CERS6: variants seen among roughly 807,000 people sequenced by gnomAD.
The protein encoded by CERS6 is ceramide synthase 6.
A neutral mutation model predicts 56.8 loss-of-function variants in CERS6; 26 were observed. The observed-to-expected ratio is 0.46, with a 90% confidence interval of 0.34 to 0.63. The LOEUF is 0.63. Ranked by LOEUF, CERS6 falls within the 30% of genes least tolerant of loss-of-function variation. CERS6 has a pLI of 0.01. For synonymous variants in CERS6, 164 were observed against 173.3 expected, an observed-to-expected ratio of 0.95 and a Z score of 0.42; for missense variants, 415 against 467.5, an observed-to-expected ratio of 0.89 and a Z score of 1.04.
intron 4 of CERS6, among the ~76,000 whole-genome samples, chr2:168,668,015 G>A (rs1269432503): frequency 6.6e-6 from 1 of 152,200 alleles, no homozygotes; most frequent in Non-Finnish European, 1.5e-5. Context: ...GAAAAAGTAG[G>A]TGGAGGGCAG....
chr2:168,463,149 T>C (rs1242819262), intron 1 of CERS6, among the ~76,000 whole-genome samples: 1 of 152,220 alleles, frequency 6.6e-6, no homozygotes. Flanking sequence ...GAAATACACT[T>C]AACTTTATAT....
chr2:168,532,340 A>T (rs969551199), intron 1 of CERS6, among the ~76,000 whole-genome samples: 1 of 152,064 alleles, frequency 6.6e-6, no homozygotes, highest in African/African-American at 2.4e-5. Context: ...CCCAGGAAGA[A>T]GCAATTTCTT....
chr2:168,509,694 G>A (rs1374378887), intron 1 of CERS6, among the ~76,000 whole-genome samples: 1 of 152,230 alleles, frequency 6.6e-6, no homozygotes, highest in South Asian at 2.1e-4. Flanking sequence ...TGTTTGTAGA[G>A]TATTTGGTAT....
chr2:168,645,183 A>AGAGAGAGAGAGAGAGAGAGAGT (rs1685165620), intron 4 of CERS6, among the ~76,000 whole-genome samples: 1 of 115,366 alleles, frequency 8.7e-6, no homozygotes, highest in Non-Finnish European at 1.7e-5. Flanking sequence ...AGAGAGAGAG[A>AGAGAGAGAGAGAGAGAGAGAGT]GAGAGAGTAA....
At chr2:168,600,983 C>T (rs1252229839) in intron 3 of CERS6, among the ~76,000 whole-genome samples, 1 of 152,022 alleles carries the variant, frequency 6.6e-6, no homozygotes, top group Admixed American at 6.5e-5. Flanking sequence ...CCTAACAGAC[C>T]TCATGGGTTG....
intron 1 of CERS6, among the ~76,000 whole-genome samples, chr2:168,523,023 T>G (rs1695009244): frequency 6.6e-6 from 1 of 152,250 alleles, no homozygotes; most frequent in Non-Finnish European, 1.5e-5. Flanking sequence ...TTAGTAATGC[T>G]TTTGGCTGAA....
intron 4 of CERS6, among the ~76,000 whole-genome samples, chr2:168,669,104 G>GT (rs1409053039): frequency 6.6e-6 from 1 of 152,146 alleles, no homozygotes; most frequent in Non-Finnish European, 1.5e-5. Context: ...TATTTCTCAT[G>GT]TTAAAGAAGT....
At chr2:168,640,247 A>C (rs1167028115) in intron 4 of CERS6, among the ~76,000 whole-genome samples, 1 of 152,214 alleles carries the variant, frequency 6.6e-6, no homozygotes, top group East Asian at 1.9e-4. Context: ...CGTGTACTTT[A>C]CCTTAACAAC....
intron 3 of CERS6, among the ~76,000 whole-genome samples, chr2:168,596,468 A>G (rs1462706794): frequency 6.6e-6 from 1 of 151,946 alleles, no homozygotes; most frequent in Non-Finnish European, 1.5e-5. Context: ...AAAATGTGAG[A>G]TTAAAAGAAA....
intron 8 of CERS6, among the ~76,000 whole-genome samples, chr2:168,724,848 C>T (rs1683297907): frequency 6.6e-6 from 1 of 152,246 alleles, no homozygotes; most frequent in African/African-American, 2.4e-5. Context: ...AGTGGATCCC[C>T]CACCGGGGCT....
At chr2:168,637,676 CAA>C (rs1346637279) in intron 4 of CERS6, among the ~76,000 whole-genome samples, 1 of 151,964 alleles carries the variant, frequency 6.6e-6, no homozygotes, top group Non-Finnish European at 1.5e-5. Context: ...ATTAAATTAT[CAA>C]AGTGACAAAA....
intron 3 of CERS6, among the ~76,000 whole-genome samples, chr2:168,564,231 G>A (rs187467994): frequency 2.6e-5 from 4 of 152,192 alleles, no homozygotes; most frequent in East Asian, 3.9e-4. Context: ...ATCGTTCTGC[G>A]GGCTCCAACT....
At chr2:168,729,635 C>T (rs1683461380) in intron 8 of CERS6, among the ~76,000 whole-genome samples, 2 of 152,220 alleles carry the variant, frequency 1.3e-5, no homozygotes, top group Non-Finnish European at 2.9e-5. Context: ...CAGAGCAGGC[C>T]ACGCTGGCTG....
At chr2:168,739,325 C>T (rs1683821821) in intron 8 of CERS6, among the ~76,000 whole-genome samples, 2 of 152,064 alleles carry the variant, frequency 1.3e-5, no homozygotes, top group African/African-American at 4.8e-5. Context: ...GAAGGACATC[C>T]ACCCTAAGCT....
chr2:168,616,866 A>G (rs1684330743), intron 3 of CERS6, among the ~76,000 whole-genome samples: 1 of 152,126 alleles, frequency 6.6e-6, no homozygotes, highest in South Asian at 2.1e-4. Flanking sequence ...TATTTTTACT[A>G]TACCCTGGAA....
chr2:168,470,995 A>C (rs983991424), intron 1 of CERS6, among the ~76,000 whole-genome samples: 3 of 144,612 alleles, frequency 2.1e-5, no homozygotes, highest in African/African-American at 7.9e-5. Context: ...TGGGTCTCTA[A>C]GCTTTAAACA....
chr2:168,719,335 A>G (rs956646182), intron 8 of CERS6, among the ~76,000 whole-genome samples: 28 of 152,302 alleles, frequency 1.8e-4, no homozygotes, highest in African/African-American at 6.5e-4. Flanking sequence ...CAATATTTAA[A>G]TAGTTTTGTT....
chr2:168,584,602 C>A (rs146089194), intron 3 of CERS6, among the ~76,000 whole-genome samples: 7 of 152,288 alleles, frequency 4.6e-5, no homozygotes, highest in Non-Finnish European at 8.8e-5. Context: ...TCAGTTTATC[C>A]CAACGACTCT....
At chr2:168,513,280 A>G (rs1211966564) in intron 1 of CERS6, among the ~76,000 whole-genome samples, 1 of 152,250 alleles carries the variant, frequency 6.6e-6, no homozygotes, top group Non-Finnish European at 1.5e-5. Context: ...GTTACAATTT[A>G]TGAACCAATA....
Sources: gnomAD v4.1 joint callset for allele counts (sites outside exome capture counted in the v4.1 genomes callset) on GRCh38, gnomAD v4.1.1 for gene constraint, MANE v1.5 for transcripts, NCBI Gene and HGNC (gene_info 2026-07-23, HGNC 2026-07-21) for gene names.